CD247: variants seen among roughly 807,000 people sequenced by gnomAD.
CD247 encodes the protein T-cell surface glycoprotein CD3 zeta chain.
CD247 carries 13 observed loss-of-function variants against 30.0 expected under a neutral mutation model. The ratio of observed to expected loss-of-function variants is 0.43; its 90% CI spans 0.28 to 0.69. The LOEUF is 0.69. Ranked by LOEUF, CD247 falls within the 30% of genes least tolerant of loss-of-function variation. The pLI, the probability that CD247 is intolerant of heterozygous loss-of-function variation, is 0.16. For missense variants in CD247, 193 were observed against 212.6 expected (o/e 0.91, Z 0.57); for synonymous variants, 72 against 80.0 (o/e 0.90, Z 0.53).
intron 1 of CD247, among the ~76,000 whole-genome samples, chr1:167,467,146 C>A (rs190013337): frequency 2.6e-5 from 4 of 152,360 alleles, no homozygotes; most frequent in Admixed American, 2.6e-4. Flanking sequence ...CCCCTTTATC[C>A]TTTTCAGTCC....
intron 1 of CD247, among the ~76,000 whole-genome samples, chr1:167,515,093 A>G (rs1298227406): frequency 6.6e-6 from 1 of 152,242 alleles, no homozygotes; most frequent in African/African-American, 2.4e-5. Context: ...AAACGCTAAA[A>G]TTGAAAAATG....
At position 167,439,420 on chromosome 1, in the gene CD247, G is replaced by A. The variant is rs1385043228; in HGVS notation, c.163-20C>T. 6.2e-7 allele frequency: 1 copy of A among 1,613,640 alleles called. No individual in the cohort carries two copies. The highest frequency in any genetic ancestry group is 8.5e-7 in the Non-Finnish European group (1 of 1,179,514). On this transcript the variant is annotated intron_variant, in intron 2 of 7. Coordinates refer to ENST00000362089, the MANE Select transcript of CD247 (RefSeq NM_198053.3). Reference sequence around the variant, plus strand: ...GCTGAACTGCAACACAGAAAGCAAAGCGCGTTACTGCTCCGCGAGGGCGCG... The same window carrying A: ...GCTGAACTGCAACACAGAAAGCAAAACGCGTTACTGCTCCGCGAGGGCGCG...
chr1:167,495,569 C>T (rs1654657499), intron 1 of CD247, among the ~76,000 whole-genome samples: 1 of 152,202 alleles, frequency 6.6e-6, no homozygotes, highest in Admixed American at 6.5e-5. Context: ...ATGATCCTGC[C>T]AAAACATATA....
chr1:167,501,072 TTG>T (rs1275513295), intron 1 of CD247, among the ~76,000 whole-genome samples: 12 of 150,302 alleles, frequency 8.0e-5, no homozygotes, highest in Non-Finnish European at 1.0e-4. Context: ...TTTTTTTTTT[TTG>T]ACCGAGTTTT....
chr1:167,443,657 A>G (rs1651941893), intron 1 of CD247, among the ~76,000 whole-genome samples: 1 of 152,220 alleles, frequency 6.6e-6, no homozygotes, highest in South Asian at 2.1e-4. Context: ...GACTCAGCAC[A>G]ACACAAAGGG....
intron 1 of CD247, among the ~76,000 whole-genome samples, chr1:167,456,175 A>G (rs1050555780): frequency 1.3e-5 from 2 of 152,080 alleles, no homozygotes; most frequent in East Asian, 3.9e-4. Context: ...TGGCACACAT[A>G]CCCAGTGCAT....
chr1:167,490,012 C>G (rs12095999), intron 1 of CD247, among the ~76,000 whole-genome samples: 19 of 152,066 alleles, frequency 1.2e-4, no homozygotes, highest in Admixed American at 8.5e-4. Flanking sequence ...TGTGCCCCCC[C>G]ACCACCCCAC....
At chr1:167,457,252 G>T (rs1367333451) in intron 1 of CD247, 1 of 152,316 alleles carries the variant, frequency 6.6e-6, no homozygotes, top group African/African-American at 2.4e-5. Context: ...TAAGTGGTTT[G>T]CTCAGGGCTA....
chr1:167,470,324 G>A (rs780154632), intron 1 of CD247, among the ~76,000 whole-genome samples: 3 of 151,944 alleles, frequency 2.0e-5, no homozygotes, highest in African/African-American at 4.8e-5. Flanking sequence ...AATATCTAAC[G>A]GACAACTCAG....
intron 1 of CD247, among the ~76,000 whole-genome samples, chr1:167,518,131 C>T (rs958351136): frequency 6.6e-6 from 1 of 152,172 alleles, no homozygotes; most frequent in Non-Finnish European, 1.5e-5. Flanking sequence ...TGCTCTCTTG[C>T]TTCCTTCTTC....
In CD247 at chr1:167,434,089, G is replaced by C; in HGVS notation, c.337-13C>G. The C allele has an allele frequency of 1.2e-6, 2 of 1,612,916 alleles. No homozygotes were observed. Among genetic ancestry groups the C allele is most frequent in the South Asian group, 1.1e-5 (1 of 91,040 alleles). On this transcript the variant is annotated splice_polypyrimidine_tract_variant and intron_variant, in intron 5 of 7. Transcript: ENST00000362089. Reference sequence around the variant, plus strand: ...CTTTCTGCAGTTCCTGCAGAAGAGGGCGTGGAACACTGATTTTTACCAACT... The same window carrying C: ...CTTTCTGCAGTTCCTGCAGAAGAGGCCGTGGAACACTGATTTTTACCAACT...
At chr1:167,477,887 T>C (rs1434885617) in intron 1 of CD247, among the ~76,000 whole-genome samples, 1 of 152,186 alleles carries the variant, frequency 6.6e-6, no homozygotes, top group African/African-American at 2.4e-5. Context: ...GGAAGCCATA[T>C]GGAGAAATGC....
chr1:167,500,137 A>G (rs1019049302), intron 1 of CD247, among the ~76,000 whole-genome samples: 12 of 152,258 alleles, frequency 7.9e-5, no homozygotes, highest in African/African-American at 2.9e-4. Flanking sequence ...GCTGAACCCA[A>G]CTTATTTTAC....
chr1:167,432,203 C>T (rs998124773), intron 7 of CD247, among the ~76,000 whole-genome samples: 2 of 152,208 alleles, frequency 1.3e-5, no homozygotes, highest in Admixed American at 6.5e-5. Flanking sequence ...GGCTCCTTGG[C>T]CTCAGCCCTC....
At chr1:167,485,322 G>C (rs977858025) in intron 1 of CD247, among the ~76,000 whole-genome samples, 17 of 152,200 alleles carry the variant, frequency 1.1e-4, no homozygotes, top group African/African-American at 3.9e-4. Context: ...GCTGTGGCCT[G>C]GCGCTGCGTC....
intron 2 of CD247, chr1:167,440,203 A>G (rs971052730): frequency 1.2e-5 from 3 of 240,126 alleles, no homozygotes; most frequent in African/African-American, 6.7e-5. Context: ...TGCCCACACC[A>G]TGACCAGCCC....
intron 1 of CD247, among the ~76,000 whole-genome samples, chr1:167,505,174 A>G (rs1185169656): frequency 6.6e-6 from 1 of 152,126 alleles, no homozygotes; most frequent in Non-Finnish European, 1.5e-5. Flanking sequence ...TCTGTCTCCC[A>G]GCCTAGACTG....
intron 1 of CD247, among the ~76,000 whole-genome samples, chr1:167,493,590 G>A (rs558349210): frequency 4.8e-4 from 73 of 152,282 alleles, no homozygotes; most frequent in African/African-American, 1.6e-3. Flanking sequence ...CTGAGGCTTA[G>A]GAAAGATAAA....
chr1:167,458,990 C>T (rs191321926), intron 1 of CD247, among the ~76,000 whole-genome samples: 34 of 151,628 alleles, frequency 2.2e-4, no homozygotes, highest in South Asian at 4.2e-4. Context: ...AATCTGTTAG[C>T]TGAGCACTGT....
Sources: allele counts gnomAD v4.1 joint callset (sites outside exome capture counted in the v4.1 genomes callset), GRCh38; gene constraint gnomAD v4.1.1; transcripts MANE v1.5; gene names NCBI Gene and HGNC (gene_info 2026-07-23, HGNC 2026-07-21).